DCDC2C: variants seen among roughly 807,000 people sequenced by gnomAD.
DCDC2C encodes the protein doublecortin domain containing 2C, also known as doublecortin domain-containing protein 2C.
A neutral mutation model predicts 45.0 loss-of-function variants in DCDC2C; 44 were observed. That is an observed-to-expected ratio of 0.98 (90% CI 0.77 to 1.26). The LOEUF (loss-of-function observed/expected upper bound fraction) is 1.26. DCDC2C is among the 50% of genes most tolerant of loss of function. The pLI, the probability that DCDC2C is intolerant of heterozygous loss-of-function variation, is 0.00. For missense variants in DCDC2C, 447 were observed against 468.9 expected, an observed-to-expected ratio of 0.95 and a Z score of 0.43; for synonymous variants, 187 against 178.8, an observed-to-expected ratio of 1.05 and a Z score of -0.37.
chr2:3,813,130 G>A (rs1671458022), intron 10 of DCDC2C, among the ~76,000 whole-genome samples: 1 of 149,516 alleles, frequency 6.7e-6, no homozygotes, highest in Admixed American at 6.7e-5. Flanking sequence ...GGAGTGCAGT[G>A]GCATGATCTC....
chr2:3,784,305 G>A (rs1670592247), intron 9 of DCDC2C, among the ~76,000 whole-genome samples: 2 of 152,134 alleles, frequency 1.3e-5, no homozygotes, highest in African/African-American at 4.8e-5. Flanking sequence ...TTGGAAAAGA[G>A]TTTTTGCTCT....
At chr2:3,822,318 C>T (rs1157306640) in intron 10 of DCDC2C, among the ~76,000 whole-genome samples, 1 of 152,002 alleles carries the variant, frequency 6.6e-6, no homozygotes, top group African/African-American at 2.4e-5. Context: ...TTTATTTATA[C>T]TTTATGTTTC....
chr2:3,714,028 T>G (rs1558559361), intron 2 of DCDC2C, among the ~76,000 whole-genome samples: 2 of 152,300 alleles, frequency 1.3e-5, no homozygotes, highest in East Asian at 3.9e-4. Context: ...ACTAAGTCAT[T>G]TAGCCTTAGT....
intron 10 of DCDC2C, among the ~76,000 whole-genome samples, chr2:3,819,745 G>A (rs1436736839): frequency 6.6e-6 from 1 of 152,160 alleles, no homozygotes; most frequent in African/African-American, 2.4e-5. Flanking sequence ...TACTGATTTG[G>A]GAGAGATAGG....
At chr2:3,757,983 C>T (rs1669767472) in intron 6 of DCDC2C, among the ~76,000 whole-genome samples, 1 of 152,146 alleles carries the variant, frequency 6.6e-6, no homozygotes, top group Non-Finnish European at 1.5e-5. Flanking sequence ...AGCTGGGCTC[C>T]CCAGGAAGAT....
Position 3,741,994 on chromosome 2 carries a change from A to G in DCDC2C, c.491A>G (p.Asp164Gly), listed in dbSNP as rs1279176679. 6.5e-7 allele frequency: 1 copy of G among 1,548,774 alleles called. No homozygotes were observed. The highest frequency in any genetic ancestry group is 8.7e-7 in the Non-Finnish European group (1 of 1,146,378). ...CCCAAATTTAGTCTGTCCGATTGGG[A>G]CATCGTGCTGGCCACGATCGGAGAA... ...IIPKFSLSDWDIVLATIGEKV... is the reference protein window; with the variant it reads ...IIPKFSLSDWGIVLATIGEKV... Residue 164 changes from aspartate (D) to glycine (G), a missense_variant, in exon 4 of 11, where the codon GAC (aspartate) becomes GGC (glycine). Coordinates refer to ENST00000399143, the MANE Select transcript of DCDC2C (RefSeq NM_001287444.2).
chr2:3,800,109 C>T (rs915942592), intron 10 of DCDC2C, among the ~76,000 whole-genome samples: 51 of 152,106 alleles, frequency 3.4e-4, no homozygotes, highest in Non-Finnish European at 5.3e-4. Flanking sequence ...GCGCAGTATT[C>T]GGGTGGGAGT....
At chr2:3,814,658 G>A (rs891256171) in intron 10 of DCDC2C, among the ~76,000 whole-genome samples, 1 of 152,222 alleles carries the variant, frequency 6.6e-6, no homozygotes, top group African/African-American at 2.4e-5. Context: ...CTACCAGAAG[G>A]AAATGCTAAG....
At position 3,714,702 on chromosome 2, in the gene DCDC2C, C is replaced by G. The variant is rs1668304989; in HGVS notation, c.339+6102C>G. The stretch of plus-strand genomic sequence containing the variant: ...ATTAATTTCTTAATATACATTTTAA[C>G]AAAGTGTTTTACATGATTTCCTGCC... On this transcript the variant is annotated intron_variant, in intron 2 of 10. Coordinates refer to ENST00000399143, the MANE Select transcript of DCDC2C (RefSeq NM_001287444.2). Among the ~76,000 whole-genome samples, 5 of 152,284 alleles carry G rather than the reference C, an allele frequency of 3.3e-5. No homozygotes were observed. The South Asian group carries it at 1.0e-3, about 32-fold the overall frequency.
rs574983566 is a variant in DCDC2C, at chr2:3,792,608, AC to A, written c.1065+7510del. ...TGGAGTTTAGGTTGTGGTAACATAG[AC>A]CTGGTTGTAAATATAAATTTTGGAC... On this transcript the variant is annotated intron_variant, in intron 10 of 10. Transcript: ENST00000399143. Among the ~76,000 whole-genome samples, 486 of 152,266 alleles carry A rather than the reference AC, an allele frequency of 3.2e-3. 1 individual carries two copies. The highest frequency in any genetic ancestry group is 5.5e-3 in the Non-Finnish European group (374 of 68,026).
At chr2:3,786,364 G>A (rs1369721319) in intron 10 of DCDC2C, among the ~76,000 whole-genome samples, 1 of 145,620 alleles carries the variant, frequency 6.9e-6, no homozygotes. Context: ...TCCCGCCTGT[G>A]CACGGAGCCT....
At chr2:3,813,784 C>A (rs1671483479) in intron 10 of DCDC2C, among the ~76,000 whole-genome samples, 1 of 140,930 alleles carries the variant, frequency 7.1e-6, no homozygotes, top group Non-Finnish European at 1.5e-5. Flanking sequence ...TCCTCCATCC[C>A]TTTATTTTGA....
chr2:3,812,281 G>A lies in DCDC2C; in HGVS notation c.1065+27181G>A, dbSNP rs112265368. ...CAGAACTTGTTATTGGTCTATTCAGGGATTCAACTTCTTCCTTGGTTAGTC... is the reference window on the plus strand; with the variant it reads ...CAGAACTTGTTATTGGTCTATTCAGAGATTCAACTTCTTCCTTGGTTAGTC... On this transcript the variant is annotated intron_variant, in intron 10 of 10. Transcript: ENST00000399143. Among the ~76,000 whole-genome samples the A allele has an allele frequency of 9.8e-3, 1,495 of 151,858 alleles. 19 individuals carry two copies. The highest frequency in any genetic ancestry group is 0.034 in the African/African-American group (1,425 of 41,400).
At chr2:3,798,739 T>A (rs1444704782) in intron 10 of DCDC2C, among the ~76,000 whole-genome samples, 2 of 152,100 alleles carry the variant, frequency 1.3e-5, no homozygotes, top group African/African-American at 2.4e-5. Flanking sequence ...CCGAGAGATC[T>A]GCTGTTAGTC....
intron 2 of DCDC2C, among the ~76,000 whole-genome samples, chr2:3,712,338 A>G (rs113903375): frequency 0.039 from 5,923 of 152,232 alleles, 199 homozygotes; most frequent in East Asian, 0.1. Flanking sequence ...GGATGCACCT[A>G]TGATCCCAGA....
chr2:3,842,330 C>G (rs1362203367), intron 10 of DCDC2C, among the ~76,000 whole-genome samples: 2 of 151,530 alleles, frequency 1.3e-5, no homozygotes, highest in African/African-American at 4.9e-5. Context: ...ACTGTCTGGG[C>G]CTGGGAGGGA....
At chr2:3,727,221 C>T in intron 3 of DCDC2C, 142 bp downstream of exon 3, 1 of 641,792 alleles carries the variant, frequency 1.6e-6, no homozygotes, top group Non-Finnish European at 2.7e-6. Flanking sequence ...GCTCTCACTT[C>T]CTGACAGGTG....
At chr2:3,792,381 G>A (rs148390926) in intron 10 of DCDC2C, among the ~76,000 whole-genome samples, 204 of 152,294 alleles carry the variant, frequency 1.3e-3, no homozygotes, top group Admixed American at 2.7e-3. Context: ...TTGGCCTCAG[G>A]TTGGCAGGTG....
chr2:3,803,169 C>T (rs370212749), intron 10 of DCDC2C, among the ~76,000 whole-genome samples: 2 of 152,186 alleles, frequency 1.3e-5, no homozygotes, highest in Non-Finnish European at 2.9e-5. Flanking sequence ...CTGATATTCT[C>T]GTGTTGCCTT....
Sources: gnomAD v4.1 joint callset for allele counts (sites outside exome capture counted in the v4.1 genomes callset) on GRCh38, gnomAD v4.1.1 for gene constraint, MANE v1.5 for transcripts, NCBI Gene and HGNC (gene_info 2026-07-23, HGNC 2026-07-21) for gene names.